The following PRELID2 variants were observed in gnomAD, a reference collection of about 807,000 sequenced individuals.
The protein encoded by PRELID2 is PRELI domain containing 2.
In PRELID2, 25 loss-of-function variants were observed where a neutral mutation model predicts 28.4. The observed-to-expected ratio is 0.88, with a 90% CI of 0.64 to 1.23. The LOEUF (loss-of-function observed/expected upper bound fraction) is 1.23, where lower values mean the gene tolerates loss of function less well. Among genes scored for constraint, PRELID2 ranks in the 50% most tolerant of loss-of-function variants. PRELID2 has a pLI of 0.00. For synonymous variants in PRELID2, 76 were observed against 71.6 expected, an observed-to-expected ratio of 1.06 and a Z score of -0.31; for missense variants, 201 against 214.4, an observed-to-expected ratio of 0.94 and a Z score of 0.39.
At chr5:145,736,637 A>G (rs1189052526) in intron 1 of PRELID2, among the ~76,000 whole-genome samples, 1 of 152,146 alleles carries the variant, frequency 6.6e-6, no homozygotes, top group Admixed American at 6.6e-5. Flanking sequence ...TCTGAGCAAA[A>G]TATTTGTTAA....
chr5:145,319,005 C>T, the PRELID2 span, among the ~76,000 whole-genome samples: 2 of 152,146 alleles, frequency 1.3e-5, no homozygotes, highest in Non-Finnish European at 2.9e-5. Context: ...TCCTCTCTGA[C>T]CATCCCTAGC....
intron 1 of PRELID2, among the ~76,000 whole-genome samples, chr5:145,479,473 C>A (rs188101926): frequency 6.6e-6 from 1 of 152,250 alleles, no homozygotes; most frequent in East Asian, 1.9e-4. Context: ...CCTGAACTTA[C>A]GGCCCCTGTG....
intron 1 of PRELID2, among the ~76,000 whole-genome samples, chr5:145,744,720 A>G (rs967205165): frequency 9.2e-5 from 14 of 152,166 alleles, no homozygotes; most frequent in Admixed American, 9.2e-4. Flanking sequence ...GCATCCTCAA[A>G]GATCGAAACT....
the PRELID2 span, among the ~76,000 whole-genome samples, chr5:145,410,184 C>A: frequency 6.6e-6 from 1 of 152,168 alleles, no homozygotes; most frequent in East Asian, 1.9e-4. Flanking sequence ...AGACTTTAAT[C>A]TAAGACTTGA....
the PRELID2 span, among the ~76,000 whole-genome samples, chr5:145,354,756 ATC>A: frequency 2.0e-5 from 3 of 152,196 alleles, no homozygotes; most frequent in African/African-American, 7.2e-5. Context: ...AGATAGGTGA[ATC>A]TATATAATTT....
chr5:145,424,146 A>T, the PRELID2 span, among the ~76,000 whole-genome samples: 2 of 151,384 alleles, frequency 1.3e-5, no homozygotes, highest in African/African-American at 2.4e-5. Context: ...CAAAGCTGTC[A>T]GACAGGGACA....
At chr5:145,514,357 T>C (rs959863701) in intron 1 of PRELID2, among the ~76,000 whole-genome samples, 1 of 146,284 alleles carries the variant, frequency 6.8e-6, no homozygotes, top group Non-Finnish European at 1.5e-5. Flanking sequence ...TCCTAGTCTC[T>C]GATTAAACAG....
At chr5:145,624,097 C>T (rs1753811850) in intron 1 of PRELID2, among the ~76,000 whole-genome samples, 1 of 152,090 alleles carries the variant, frequency 6.6e-6, no homozygotes, top group South Asian at 2.1e-4. Flanking sequence ...AAGGATATAA[C>T]CTGGGGACAT....
At chr5:145,475,112 G>A (rs1752088634) in intron 1 of PRELID2, among the ~76,000 whole-genome samples, 1 of 152,218 alleles carries the variant, frequency 6.6e-6, no homozygotes, top group Non-Finnish European at 1.5e-5. Context: ...GTATGTGCAT[G>A]TTATTCCATC....
chr5:145,614,103 T>C (rs1018898393), intron 1 of PRELID2, among the ~76,000 whole-genome samples: 1 of 152,200 alleles, frequency 6.6e-6, no homozygotes, highest in African/African-American at 2.4e-5. Context: ...TGTTTTTGTT[T>C]GCTTTGTCGA....
intron 1 of PRELID2, among the ~76,000 whole-genome samples, chr5:145,684,604 T>C (rs746680136): frequency 6.6e-6 from 1 of 152,246 alleles, no homozygotes; most frequent in Admixed American, 6.5e-5. Flanking sequence ...TGAGAAAATA[T>C]GAGGTTCAGA....
At chr5:145,731,659 G>A (rs755826839) in intron 1 of PRELID2, among the ~76,000 whole-genome samples, 1 of 152,306 alleles carries the variant, frequency 6.6e-6, no homozygotes, top group South Asian at 2.1e-4. Flanking sequence ...ATTATGCTAT[G>A]AGAAGTTGTC....
chr5:145,279,259 G>A, the PRELID2 span, among the ~76,000 whole-genome samples: 1 of 152,096 alleles, frequency 6.6e-6, no homozygotes, highest in Non-Finnish European at 1.5e-5. Flanking sequence ...TCTCATTTCA[G>A]TATCTACCAG....
intron 1 of PRELID2, among the ~76,000 whole-genome samples, chr5:145,688,693 GA>G (rs1165663700): frequency 6.6e-6 from 1 of 152,220 alleles, no homozygotes; most frequent in African/African-American, 2.4e-5. Context: ...GATCATGACA[GA>G]GCATGACACA....
the PRELID2 span, among the ~76,000 whole-genome samples, chr5:145,311,531 A>C: frequency 1.3e-5 from 2 of 152,174 alleles, no homozygotes; most frequent in East Asian, 3.9e-4. Flanking sequence ...GGTTAGACTC[A>C]GGGCATGGCC....
At chr5:145,679,341 T>C (rs910315480) in intron 1 of PRELID2, among the ~76,000 whole-genome samples, 11 of 152,244 alleles carry the variant, frequency 7.2e-5, no homozygotes, top group African/African-American at 2.7e-4. Context: ...TGCTTTAGTC[T>C]CTGAAACTCA....
At chr5:145,812,440 C>T (rs1754016454) in intron 4 of PRELID2, among the ~76,000 whole-genome samples, 1 of 152,230 alleles carries the variant, frequency 6.6e-6, no homozygotes, top group Non-Finnish European at 1.5e-5. Context: ...GGTGCTGCCA[C>T]TTACTGGCCA....
rs1179291648 is a variant in PRELID2, at chr5:145,600,585, CTT to C, written n.71-127272_71-127271del. On this transcript the variant is annotated intron_variant and non_coding_transcript_variant, in intron 1 of 2. Transcript: ENST00000510259. ...AGAGTGATCACTGCTCAGTAGCACT[CTT>C]TGGCTTTTAGGAAAATTTTCAGCAA... Among the ~76,000 whole-genome samples the C allele has an allele frequency of 3.3e-5, 5 of 151,874 alleles. No homozygotes were observed. In the South Asian group the frequency reaches 1.0e-3, roughly 32 times the overall value.
intron 1 of PRELID2, among the ~76,000 whole-genome samples, chr5:145,733,436 G>A (rs1374618721): frequency 6.6e-6 from 1 of 152,160 alleles, no homozygotes; most frequent in Non-Finnish European, 1.5e-5. Flanking sequence ...AATTGAGAAA[G>A]TGAATAATTT....
Sources: allele counts gnomAD v4.1 joint callset (sites outside exome capture counted in the v4.1 genomes callset), GRCh38; gene constraint gnomAD v4.1.1; transcripts MANE v1.5; gene names NCBI Gene and HGNC (gene_info 2026-07-23, HGNC 2026-07-21).